Variants in RPS6KA6 observed in about 807,000 individuals in gnomAD.
The protein encoded by RPS6KA6 is ribosomal protein S6 kinase alpha-6.
Under a neutral mutation model 65.4 loss-of-function variants are expected in RPS6KA6, and 27 were observed. The ratio of observed to expected loss-of-function variants is 0.41; its 90% CI spans 0.30 to 0.57. The LOEUF is 0.57. Among genes scored for constraint, RPS6KA6 ranks in the 20% least tolerant of loss-of-function variants. RPS6KA6 has a pLI of 0.24. For synonymous variants in RPS6KA6, 190 were observed against 184.2 expected (o/e 1.03, Z -0.26); for missense variants, 486 against 555.6 (o/e 0.87, Z 1.26).
chrX:84,174,174 A>G (rs1216441777), intron 1 of RPS6KA6, among the ~76,000 whole-genome samples: 1 of 111,775 alleles, frequency 8.9e-6, no homozygotes, highest in Non-Finnish European at 1.9e-5. Flanking sequence ...ATTAATATCT[A>G]TGGTCATTTC....
chrX:84,113,518 T>G (rs2034505746), intron 12 of RPS6KA6, among the ~76,000 whole-genome samples: 1 of 112,249 alleles, frequency 8.9e-6, no homozygotes, highest in Non-Finnish European at 1.9e-5. Flanking sequence ...CATTTACTAA[T>G]CAATAAATGT....
chrX:84,151,247 A>T (rs763529551), intron 3 of RPS6KA6, among the ~76,000 whole-genome samples: 47 of 100,317 alleles, frequency 4.7e-4, no homozygotes, highest in African/African-American at 1.6e-3. Context: ...GGATATATAT[A>T]GATATATATA....
At chrX:84,100,007 G>T (rs945821300) in intron 18 of RPS6KA6, among the ~76,000 whole-genome samples, 1 of 110,541 alleles carries the variant, frequency 9.0e-6, no homozygotes, top group African/African-American at 3.3e-5. Context: ...GTTTAAAAAA[G>T]AATGCATTTT....
chrX:84,066,402 G>A (rs183658471), intron 20 of RPS6KA6, among the ~76,000 whole-genome samples: 1 of 106,971 alleles, frequency 9.3e-6, no homozygotes, highest in East Asian at 3.0e-4. Flanking sequence ...AAGTCAAACT[G>A]CGACAACTGA....
In RPS6KA6 at chrX:84,164,396, C is replaced by T; in HGVS notation, c.82-9G>A. The T allele has an allele frequency of 8.5e-7, 1 of 1,171,396 alleles. No homozygotes were observed. Among genetic ancestry groups the T allele is most frequent in the Non-Finnish European group, 1.2e-6 (1 of 862,794 alleles). On this transcript the variant is annotated splice_polypyrimidine_tract_variant and intron_variant, in intron 1 of 21. Coordinates refer to ENST00000262752, the MANE Select transcript of RPS6KA6 (RefSeq NM_014496.5). The stretch of plus-strand genomic sequence containing the variant: ...ATTTTAAGACCATTTACCTGAAAAA[C>T]ATTGTTCAAAAATTGAGGTTCAAAA...
intron 8 of RPS6KA6, among the ~76,000 whole-genome samples, chrX:84,125,017 G>A (rs990091712): frequency 1.8e-5 from 2 of 111,052 alleles, no homozygotes; most frequent in Non-Finnish European, 3.8e-5. Context: ...TTAAAGTGCT[G>A]AAAAAAAATT....
In RPS6KA6 at chrX:84,102,162, A is replaced by G; in HGVS notation, c.1651T>C (p.Tyr551His). The change falls in exon 18 of 22, where the codon TAC becomes CAC. Residue 551 changes from tyrosine to histidine, a missense_variant. Transcript: ENST00000262752. ...TCTGCACTGGCTGATTCATCCATGTATAAAATATTACTAGGTTTAAGATCA... is the reference window on the plus strand; with the variant it reads ...TCTGCACTGGCTGATTCATCCATGTGTAAAATATTACTAGGTTTAAGATCA... ...HRDLKPSNIL[Y>H]MDESASADSI... 8.5e-7 allele frequency: 1 copy of G among 1,172,033 alleles called. No homozygotes were observed. The highest frequency in any genetic ancestry group is 2.3e-5 in the Admixed American group (1 of 43,192).
At chrX:84,158,775 A>G (rs894761002) in intron 2 of RPS6KA6, among the ~76,000 whole-genome samples, 15 of 111,419 alleles carry the variant, frequency 1.3e-4, no homozygotes, top group African/African-American at 6.5e-5. Flanking sequence ...AATTATGACT[A>G]CTGTGCCTTT....
intron 20 of RPS6KA6, among the ~76,000 whole-genome samples, chrX:84,066,431 C>T (rs1384554869): frequency 1.1e-5 from 1 of 93,686 alleles, no homozygotes; most frequent in Non-Finnish European, 2.1e-5. Flanking sequence ...GCGGCGGGGG[C>T]GGGGGGGTGT....
chrX:84,124,181 C>T (rs1252398657), intron 8 of RPS6KA6, among the ~76,000 whole-genome samples: 1 of 111,283 alleles, frequency 9.0e-6, no homozygotes, highest in Non-Finnish European at 1.9e-5. Flanking sequence ...TCAAGAAGGA[C>T]AGGTACAAAC....
intron 18 of RPS6KA6, among the ~76,000 whole-genome samples, chrX:84,101,033 G>GA (rs1316642359): frequency 9.1e-6 from 1 of 110,108 alleles, no homozygotes; most frequent in African/African-American, 3.3e-5. Context: ...ATATTTCCCT[G>GA]AAAAAGCTAG....
rs373749550 is a variant in RPS6KA6 at position 84,145,425 on chromosome X, A to T, written c.501+53T>A. On this transcript the variant is annotated intron_variant, in intron 6 of 21. Coordinates refer to ENST00000262752, the MANE Select transcript of RPS6KA6 (RefSeq NM_014496.5). ...TGTAATTAGCAGAAGAACAAAAGTG[A>T]TTTTTCTTAGTTTTGTTTTAAGAAA... The T allele has an allele frequency of 9.9e-5, 77 of 778,873 alleles. 2 individuals are homozygous for T. The East Asian group carries it at 1.0e-3, about 10-fold the overall frequency. The allele number at this position is 778,873 out of a possible 1,213,427, so 64.2% of individuals were successfully genotyped here. A position where few individuals can be genotyped will look rare whatever the true frequency, so the allele number is the denominator to read the frequency against.
intron 20 of RPS6KA6, among the ~76,000 whole-genome samples, chrX:84,065,654 C>A (rs1012266046): frequency 4.5e-5 from 5 of 111,780 alleles, no homozygotes; most frequent in Admixed American, 1.9e-4. Flanking sequence ...AGTAAGTGTA[C>A]GTTTGCTTAT....
intron 6 of RPS6KA6, among the ~76,000 whole-genome samples, chrX:84,135,636 T>C (rs1269046538): frequency 1.8e-5 from 2 of 111,471 alleles, no homozygotes; most frequent in East Asian, 5.6e-4. Flanking sequence ...TTCCACTATT[T>C]ATACCATTCT....
intron 8 of RPS6KA6, among the ~76,000 whole-genome samples, chrX:84,132,486 T>C (rs1039092676): frequency 1.8e-5 from 2 of 110,708 alleles, no homozygotes; most frequent in African/African-American, 6.6e-5. Flanking sequence ...CAACAGATTA[T>C]AGCAACCACA....
rs1170612476 is a variant in RPS6KA6 at position 84,187,973 on chromosome X, G to A, written c.-74C>T. 4 of 849,744 alleles carry A rather than the reference G, an allele frequency of 4.7e-6. No individual in the cohort carries two copies. The African/African-American group carries it at 6.6e-5, about 14-fold the overall frequency. The allele number at this position is 849,744 out of a possible 1,213,427, so 70.0% of individuals were successfully genotyped here. On this transcript the variant is annotated 5_prime_UTR_variant, in exon 1 of 22. Transcript: ENST00000262752. ...GGCCGCGCATCCTGTCTATTGAACT[G>A]GCCCGCCGCCGCCGCCGCCGCCGCC...
At chrX:84,089,558 C>T (rs979735679) in intron 20 of RPS6KA6, among the ~76,000 whole-genome samples, 2 of 111,150 alleles carry the variant, frequency 1.8e-5, no homozygotes, top group Non-Finnish European at 3.8e-5. Flanking sequence ...TGAGACTCCT[C>T]ACAGCTCTGT....
chrX:84,171,778 A>T (rs781601906), intron 1 of RPS6KA6, among the ~76,000 whole-genome samples: 83 of 111,176 alleles, frequency 7.5e-4, no homozygotes, highest in African/African-American at 2.6e-3. Context: ...CTCGCCATCT[A>T]GGTTTTAAGC....
intron 12 of RPS6KA6, among the ~76,000 whole-genome samples, chrX:84,114,375 C>G (rs1372461403): frequency 9.1e-6 from 1 of 110,210 alleles, no homozygotes; most frequent in Non-Finnish European, 1.9e-5. Flanking sequence ...GTATCCCCAG[C>G]TGCTCAGGAG....
Sources: allele counts gnomAD v4.1 joint callset (sites outside exome capture counted in the v4.1 genomes callset), GRCh38; gene constraint gnomAD v4.1.1; transcripts MANE v1.5; gene names NCBI Gene and HGNC (gene_info 2026-07-23, HGNC 2026-07-21).